The following PIP4K2A variants were observed in gnomAD, a reference collection of about 807,000 sequenced individuals.
PIP4K2A encodes the protein phosphatidylinositol 5-phosphate 4-kinase type-2 alpha.
In PIP4K2A, 14 loss-of-function variants were observed where a neutral mutation model predicts 42.9. The ratio of observed to expected loss-of-function variants is 0.33; its 90% CI spans 0.22 to 0.51. PIP4K2A has a LOEUF of 0.51. Ranked by LOEUF, PIP4K2A falls within the 20% of genes least tolerant of loss-of-function variation. The pLI, the probability that PIP4K2A is intolerant of heterozygous loss-of-function variation, is 0.97. For synonymous variants in PIP4K2A, 192 were observed against 192.2 expected (o/e 1.00, Z 0.01); for missense variants, 434 against 519.8 (o/e 0.83, Z 1.61).
chr10:22,697,289 G>C (rs967672687), intron 1 of PIP4K2A, among the ~76,000 whole-genome samples: 1 of 152,184 alleles, frequency 6.6e-6, no homozygotes, highest in Non-Finnish European at 1.5e-5. Flanking sequence ...GCCAGGCTTC[G>C]GAATGTTTGT....
intron 1 of PIP4K2A, among the ~76,000 whole-genome samples, chr10:22,655,800 C>T (rs1249953727): frequency 6.6e-6 from 1 of 152,114 alleles, no homozygotes; most frequent in Non-Finnish European, 1.5e-5. Context: ...TGAAGCATAC[C>T]CTGGCTTTTT....
chr10:22,626,188 AT>A (rs1350148979), intron 1 of PIP4K2A, among the ~76,000 whole-genome samples: 1 of 152,188 alleles, frequency 6.6e-6, no homozygotes, highest in African/African-American at 2.4e-5. Context: ...GGTACTCAGC[AT>A]TTTGATATCT....
chr10:22,556,648 T>C (rs1836557545), intron 6 of PIP4K2A, among the ~76,000 whole-genome samples: 2 of 152,146 alleles, frequency 1.3e-5, no homozygotes, highest in Admixed American at 1.3e-4. Flanking sequence ...TTTGCTGACC[T>C]AAAGCAAAAA....
At chr10:22,648,549 T>C (rs1588684584) in intron 1 of PIP4K2A, among the ~76,000 whole-genome samples, 2 of 152,220 alleles carry the variant, frequency 1.3e-5, no homozygotes, top group Non-Finnish European at 2.9e-5. Flanking sequence ...TGGAAAACAC[T>C]CTTCCTGTCA....
chr10:22,582,530 A>T (rs1468053067), intron 4 of PIP4K2A, among the ~76,000 whole-genome samples: 3 of 152,246 alleles, frequency 2.0e-5, no homozygotes, highest in South Asian at 2.1e-4. Context: ...CTCATTTTTT[A>T]AAAAAGCTTG....
At chr10:22,664,202 T>TAC (rs67717078) in intron 1 of PIP4K2A, among the ~76,000 whole-genome samples, 1 of 63,322 alleles carries the variant, frequency 1.6e-5, no homozygotes, top group African/African-American at 1.4e-4. Context: ...CATATATATA[T>TAC]ACATATATAT....
intron 1 of PIP4K2A, among the ~76,000 whole-genome samples, chr10:22,634,506 T>C (rs942208301): frequency 4.6e-5 from 7 of 152,252 alleles, no homozygotes; most frequent in African/African-American, 1.7e-4. Context: ...CATATGTTAC[T>C]GTTAACCTGT....
intron 4 of PIP4K2A, among the ~76,000 whole-genome samples, chr10:22,582,109 A>G (rs1469628997): frequency 7.7e-6 from 1 of 129,588 alleles, no homozygotes; most frequent in East Asian, 2.0e-4. Context: ...CTCAAAAAAG[A>G]AAAAAAAAAA....
intron 1 of PIP4K2A, among the ~76,000 whole-genome samples, chr10:22,632,414 A>G (rs1838568914): frequency 6.6e-6 from 1 of 152,228 alleles, no homozygotes; most frequent in South Asian, 2.1e-4. Flanking sequence ...CAAACATTAA[A>G]ATGGTATTTT....
chr10:22,614,931 T>C (rs958772649), intron 1 of PIP4K2A, among the ~76,000 whole-genome samples: 3 of 152,224 alleles, frequency 2.0e-5, no homozygotes, highest in African/African-American at 7.2e-5. Flanking sequence ...AACTTCAATA[T>C]TTTATATAGC....
At chr10:22,662,747 C>T (rs1839225605) in intron 1 of PIP4K2A, among the ~76,000 whole-genome samples, 1 of 151,996 alleles carries the variant, frequency 6.6e-6, no homozygotes, top group Non-Finnish European at 1.5e-5. Context: ...AGAGACACCA[C>T]AGGGGCAAGG....
chr10:22,537,723 C>T (rs993460003), intron 9 of PIP4K2A, among the ~76,000 whole-genome samples: 8 of 152,168 alleles, frequency 5.3e-5, no homozygotes, highest in African/African-American at 1.9e-4. Context: ...GACTTAAAAC[C>T]GCATGATTTC....
In PIP4K2A at chr10:22,622,858, A is replaced by T. The variant is rs969317191; in HGVS notation, c.145-13141T>A. Among the ~76,000 whole-genome samples, 4 of 152,246 alleles carry T rather than the reference A, an allele frequency of 2.6e-5. No individual in the cohort carries two copies. In the South Asian group the frequency reaches 8.3e-4, roughly 32 times the overall value. On this transcript the variant is annotated intron_variant, in intron 1 of 9. Transcript: ENST00000376573. ...TTTAGTACTTCACAAAGTACTAAAA[A>T]TAACTGAGTCACAGTAAGGTGAATG...
At position 22,643,605 on chromosome 10, in the gene PIP4K2A, G is replaced by A. The variant is rs940217838; in HGVS notation, c.145-33888C>T. Among the ~76,000 whole-genome samples the A allele has an allele frequency of 2.0e-5, 3 of 152,098 alleles. No individual in the cohort carries two copies. The South Asian group carries it at 6.2e-4, about 32-fold the overall frequency. ...ATCCCAGGCCCCCAAATCCCTCCAT[G>A]GGGCTCTCCAAGAGTCATAATTTCT... On this transcript the variant is annotated intron_variant, in intron 1 of 9. Transcript: ENST00000376573.
At chr10:22,679,295 A>G (rs1218142636) in intron 1 of PIP4K2A, among the ~76,000 whole-genome samples, 1 of 152,224 alleles carries the variant, frequency 6.6e-6, no homozygotes, top group Non-Finnish European at 1.5e-5. Flanking sequence ...AAAAATGGCC[A>G]ATAAGTATAT....
Position 22,574,449 on chromosome 10 carries a change from T to TTTG in PIP4K2A, c.493-993_493-992insCAA, listed in dbSNP as rs1837065326. Among the ~76,000 whole-genome samples, 3 of 150,036 alleles carry TTTG rather than the reference T, an allele frequency of 2.0e-5. No individual in the cohort carries two copies. In the South Asian group the frequency reaches 6.3e-4, roughly 31 times the overall value. ...GCTTGAATTTTTCATTTTCTGTTTT[T>TTTG]TTTTTTTTTTACAATGAGCATTTTA... On this transcript the variant is annotated intron_variant, in intron 4 of 9. Transcript: ENST00000376573.
chr10:22,707,234 T>C, intron 1 of PIP4K2A, among the ~76,000 whole-genome samples: 1 of 152,196 alleles, frequency 6.6e-6, no homozygotes, highest in East Asian at 1.9e-4. Flanking sequence ...ACTTCCAAAG[T>C]AGGTACCATT....
chr10:22,560,840 A>ACT lies in PIP4K2A; in HGVS notation c.678+7009_678+7010dup, dbSNP rs1211990554. Among the ~76,000 whole-genome samples the ACT allele has an allele frequency of 3.9e-5, 6 of 152,120 alleles. No homozygotes were observed. In the South Asian group the frequency reaches 8.3e-4, roughly 21 times the overall value. On this transcript the variant is annotated intron_variant, in intron 6 of 9. Coordinates refer to ENST00000376573, the MANE Select transcript of PIP4K2A (RefSeq NM_005028.5). ...ATGCATATTTGTGTAAATCCCCAGG[A>ACT]CTCTCTCTCTCAAGAACATGGGCTT...
At chr10:22,700,957 T>C (rs550631367) in intron 1 of PIP4K2A, among the ~76,000 whole-genome samples, 48 of 152,270 alleles carry the variant, frequency 3.2e-4, no homozygotes, top group Admixed American at 9.8e-4. Context: ...GAGAGAAGTA[T>C]AGAAGCACCT....
Sources: allele counts gnomAD v4.1 joint callset (sites outside exome capture counted in the v4.1 genomes callset), GRCh38; gene constraint gnomAD v4.1.1; transcripts MANE v1.5; gene names NCBI Gene and HGNC (gene_info 2026-07-23, HGNC 2026-07-21).